Variants in CPB2 observed in about 807,000 individuals in gnomAD.
CPB2 encodes the protein carboxypeptidase B-like protein.
In CPB2, 54 loss-of-function variants were observed where a neutral mutation model predicts 57.0. The observed-to-expected ratio is 0.95, with a 90% CI of 0.76 to 1.19. The LOEUF is 1.19. Among genes scored for constraint, CPB2 ranks in the 50% most tolerant of loss-of-function variants. The pLI, the probability that CPB2 is intolerant of heterozygous loss-of-function variation, is 0.00. For synonymous variants in CPB2, 189 were observed against 178.1 expected, an observed-to-expected ratio of 1.06 and a Z score of -0.49; for missense variants, 426 against 512.0, an observed-to-expected ratio of 0.83 and a Z score of 1.62.
At position 46,070,154 on chromosome 13, in the gene CPB2, T is replaced by C. The variant is rs190866588; in HGVS notation, c.592-2737A>G. On this transcript the variant is annotated intron_variant, in intron 6 of 10. Coordinates refer to ENST00000181383, the MANE Select transcript of CPB2 (RefSeq NM_001872.5). ...TTAGTGCAGTATTTAATAAGTGATA[T>C]GGATATTCAGCAATTTATTATAAAT... 1.6e-4 allele frequency among the ~76,000 whole-genome samples: 25 copies of C among 152,338 alleles called. 1 individual carries two copies. In the East Asian group the frequency reaches 2.5e-3, roughly 15 times the overall value.
rs114947936 is a variant in CPB2, at chr13:46,102,866, G to A, written c.74+2070C>T. 6.8e-3 allele frequency among the ~76,000 whole-genome samples: 1,039 copies of A among 152,186 alleles called. 12 individuals are homozygous for A. Among genetic ancestry groups the A allele is most frequent in the African/African-American group, 0.023 (941 of 41,530 alleles). On this transcript the variant is annotated intron_variant, in intron 1 of 10. Coordinates refer to ENST00000181383, the MANE Select transcript of CPB2 (RefSeq NM_001872.5). Reference sequence around the variant, plus strand: ...CCTCCTACCTCCTCTCCTCTGCAAAGGGACCCTCGCAGTATGCAAAAGTAT... The same window carrying A: ...CCTCCTACCTCCTCTCCTCTGCAAAAGGACCCTCGCAGTATGCAAAAGTAT...
At chr13:46,077,588 G>C (rs1252535917) in intron 5 of CPB2, among the ~76,000 whole-genome samples, 1 of 152,116 alleles carries the variant, frequency 6.6e-6, no homozygotes, top group Admixed American at 6.6e-5. Context: ...GTATCCAAAA[G>C]AAAGGAAATC....
intron 1 of CPB2, among the ~76,000 whole-genome samples, chr13:46,093,097 G>A (rs890024141): frequency 2.0e-5 from 3 of 151,970 alleles, no homozygotes; most frequent in East Asian, 1.9e-4. Context: ...ATTTTTAGTA[G>A]AGATGGGGTT....
At chr13:46,059,762 TG>T (rs1270135932) in intron 8 of CPB2, among the ~76,000 whole-genome samples, 5 of 152,234 alleles carry the variant, frequency 3.3e-5, no homozygotes, top group African/African-American at 1.2e-4. Context: ...CAGGAGTCCA[TG>T]GCTGAGGCTA....
intron 8 of CPB2, among the ~76,000 whole-genome samples, chr13:46,062,109 T>C (rs1162892715): frequency 6.6e-6 from 1 of 151,094 alleles, no homozygotes; most frequent in Non-Finnish European, 1.5e-5. Flanking sequence ...CATAACAATA[T>C]AGCACCATGC....
At chr13:46,087,261 A>G (rs1346062343) in intron 2 of CPB2, among the ~76,000 whole-genome samples, 1 of 152,256 alleles carries the variant, frequency 6.6e-6, no homozygotes, top group Non-Finnish European at 1.5e-5. Flanking sequence ...TCCGTGGAGC[A>G]CACAGCCCCA....
intron 10 of CPB2, among the ~76,000 whole-genome samples, chr13:46,054,347 C>T (rs904325967): frequency 2.6e-5 from 4 of 152,126 alleles, no homozygotes; most frequent in African/African-American, 9.7e-5. Flanking sequence ...CTTTGTTTGG[C>T]ATGTAGACCT....
chr13:46,095,455 T>C (rs2045351750), intron 1 of CPB2, among the ~76,000 whole-genome samples: 1 of 152,190 alleles, frequency 6.6e-6, no homozygotes, highest in South Asian at 2.1e-4. Context: ...AAAAACCAGA[T>C]GGATCCTGGA....
chr13:46,091,315 C>T (rs2045289726), intron 1 of CPB2, among the ~76,000 whole-genome samples: 1 of 152,264 alleles, frequency 6.6e-6, no homozygotes, highest in Non-Finnish European at 1.5e-5. Context: ...ACTTTTAATA[C>T]GTTCTGCTTC....
Position 46,078,798 on chromosome 13 carries a change from A to G in CPB2, c.486+2T>C, listed in dbSNP as rs1222934121. ...AGATCAACAACTTTCCCCACAACATACCTTTAAAACATAGAGTGGGTACTT... is the reference window on the plus strand; with the variant it reads ...AGATCAACAACTTTCCCCACAACATGCCTTTAAAACATAGAGTGGGTACTT... On this transcript the variant is annotated splice_donor_variant, in intron 5 of 10. Coordinates refer to ENST00000181383, the MANE Select transcript of CPB2 (RefSeq NM_001872.5). LOFTEE classifies it high-confidence loss of function. The G allele has an allele frequency of 6.3e-7, 1 of 1,581,784 alleles. No individual in the cohort carries two copies. The highest frequency in any genetic ancestry group is 1.7e-5 in the Admixed American group (1 of 59,920).
rs760249448 is a variant in CPB2, at chr13:46,055,893, G to A, written c.1000-44C>T. ...AGAATTTCAGTTAATGTGCAGCTTT[G>A]AAACATGACAAGTAGAAGTTTCTAA... On this transcript the variant is annotated intron_variant, in intron 9 of 10. Transcript: ENST00000181383. 1.1e-5 allele frequency: 12 copies of A among 1,118,926 alleles called. No individual in the cohort carries two copies. The African/African-American group carries it at 1.6e-4, about 15-fold the overall frequency. The allele number at this position is 1,118,926 out of a possible 1,614,324, so 69.3% of individuals were successfully genotyped here.
chr13:46,075,776 C>G (rs1405561381), intron 5 of CPB2, among the ~76,000 whole-genome samples: 1 of 152,100 alleles, frequency 6.6e-6, no homozygotes, highest in African/African-American at 2.4e-5. Context: ...ATTAAATGTA[C>G]ATTTTTAGTG....
At position 46,078,759 on chromosome 13, in the gene CPB2, C is replaced by T. The variant is rs368633103; in HGVS notation, c.486+41G>A. 10 of 1,241,168 alleles carry T rather than the reference C, an allele frequency of 8.1e-6. No homozygotes were observed. The South Asian group carries it at 9.7e-5, about 12-fold the overall frequency. 76.9% of individuals were successfully genotyped at this position (1,241,168 alleles called of 1,614,324 possible). ...AAACACGACTGGAGAATTAATCCCT[C>T]CCCTCACAGTGAAAGATCAACAACT... On this transcript the variant is annotated intron_variant, in intron 5 of 10. Coordinates refer to ENST00000181383, the MANE Select transcript of CPB2 (RefSeq NM_001872.5).
chr13:46,094,958 AC>A (rs1193415844), intron 1 of CPB2: 1 of 151,866 alleles, frequency 6.6e-6, no homozygotes, highest in African/African-American at 2.4e-5. Context: ...AAAGATCATG[AC>A]TCCTTCAGTC....
At chr13:46,094,413 G>T (rs968588201) in intron 1 of CPB2, among the ~76,000 whole-genome samples, 1 of 152,088 alleles carries the variant, frequency 6.6e-6, no homozygotes, top group African/African-American at 2.4e-5. Flanking sequence ...CCTTTCCTTT[G>T]TTAACATGCC....
Position 46,104,980 on chromosome 13 carries a change from T to C in CPB2, c.30A>G (p.Val10=). MKLCSLAVL[V]PIVLFCEQHV... is the part of the protein sequence containing the mutation. ...GCTGCTCACAGAAGAGAACAATGGG[T>C]ACAAGGACTGCAAGGCTGCAAAGCT... Residue 10 remains valine, a synonymous_variant, in exon 1 of 11, where the codon GTA becomes GTG. Coordinates refer to ENST00000181383, the MANE Select transcript of CPB2 (RefSeq NM_001872.5). The C allele has an allele frequency of 6.2e-7, 1 of 1,613,966 alleles. No individual in the cohort carries two copies. Among genetic ancestry groups the C allele is most frequent in the Non-Finnish European group, 8.5e-7 (1 of 1,179,922 alleles).
intron 5 of CPB2, among the ~76,000 whole-genome samples, chr13:46,074,625 C>T (rs1485067838): frequency 3.9e-5 from 6 of 152,102 alleles, no homozygotes; most frequent in African/African-American, 7.2e-5. Context: ...TTATCAAGAA[C>T]ACCTCCAAAA....
rs959876450 is a variant in CPB2 at position 46,053,439 on chromosome 13, C to A, written c.*175G>T. On this transcript the variant is annotated 3_prime_UTR_variant, in exon 11 of 11. Coordinates refer to ENST00000181383, the MANE Select transcript of CPB2 (RefSeq NM_001872.5). ...TTTTAAAGGGTAAAAAGACATGAAC[C>A]CTAGTCTGCCTTAATGGCAAAGTAG... The A allele has an allele frequency of 2.2e-6, 2 of 890,992 alleles. No individual in the cohort carries two copies. Among genetic ancestry groups the A allele is most frequent in the South Asian group, 2.9e-5 (1 of 34,966 alleles). 55.2% of individuals were successfully genotyped at this position (890,992 alleles called of 1,614,324 possible).
In CPB2 at chr13:46,078,812, G is replaced by C. The variant is rs34248502; in HGVS notation, c.474C>G (p.Leu158=). ...CCCCACAACATACCTTTAAAACATAGAGTGGGTACTTCTCAAATGAGGATC... is the reference window on the plus strand; with the variant it reads ...CCCCACAACATACCTTTAAAACATACAGTGGGTACTTCTCAAATGAGGATC... ...HIGSSFEKYP[L]YVLKVSGKEQ... The change falls in exon 5 of 11, where the codon CTC becomes CTG. Residue 158 remains leucine (L), a synonymous_variant. Coordinates refer to ENST00000181383, the MANE Select transcript of CPB2 (RefSeq NM_001872.5). The C allele has an allele frequency of 8.6e-5, 137 of 1,600,810 alleles. No homozygotes were observed. The African/African-American group carries it at 1.7e-3, about 20-fold the overall frequency.
Sources: gnomAD v4.1 joint callset for allele counts (sites outside exome capture counted in the v4.1 genomes callset) on GRCh38, gnomAD v4.1.1 for gene constraint, MANE v1.5 for transcripts, NCBI Gene and HGNC (gene_info 2026-07-23, HGNC 2026-07-21) for gene names.